The following CNTNAP5 variants were observed in gnomAD, a reference collection of about 807,000 sequenced individuals.
CNTNAP5 encodes the protein contactin-associated protein-like 5.
CNTNAP5 carries 72 observed loss-of-function variants against 150.2 expected under a neutral mutation model. That is an observed-to-expected ratio of 0.48 (90% CI 0.40 to 0.58). The LOEUF is 0.58. Ranked by LOEUF, CNTNAP5 falls within the 20% of genes least tolerant of loss-of-function variation. CNTNAP5 has a pLI of 0.00. For synonymous variants in CNTNAP5, 672 were observed against 619.8 expected (o/e 1.08, Z -1.25); for missense variants, 1,636 against 1,626.2 (o/e 1.01, Z -0.10).
At chr2:124,454,395 T>C (rs1693065029) in intron 6 of CNTNAP5, among the ~76,000 whole-genome samples, 1 of 152,130 alleles carries the variant, frequency 6.6e-6, no homozygotes, top group Non-Finnish European at 1.5e-5. Context: ...GCTCCCAAAT[T>C]TGTAAAACAA....
intron 13 of CNTNAP5, among the ~76,000 whole-genome samples, chr2:124,723,786 A>T (rs1255979733): frequency 1.3e-5 from 2 of 152,090 alleles, no homozygotes; most frequent in African/African-American, 4.8e-5. Context: ...TCTTACAAGG[A>T]CACGAGCCAA....
intron 19 of CNTNAP5, among the ~76,000 whole-genome samples, chr2:124,855,166 G>GTTTTTGTTTTT (rs1558801475): frequency 1.3e-5 from 1 of 77,498 alleles, no homozygotes; most frequent in African/African-American, 4.5e-5. Context: ...TTGGGCTTTT[G>GTTTTTGTTTTT]CTTTTTTTTT....
At chr2:124,547,928 T>C (rs376775737) in intron 10 of CNTNAP5, among the ~76,000 whole-genome samples, 10 of 152,320 alleles carry the variant, frequency 6.6e-5, no homozygotes, top group Admixed American at 4.6e-4. Context: ...TGTCTCTTCC[T>C]GCTGTTTAGA....
chr2:124,810,919 C>T (rs192246892), intron 19 of CNTNAP5, among the ~76,000 whole-genome samples: 113 of 152,028 alleles, frequency 7.4e-4, no homozygotes, highest in African/African-American at 2.5e-3. Context: ...GATAGCCCCC[C>T]GATGAAGAAT....
At chr2:124,126,769 A>G (rs1683714120) in intron 1 of CNTNAP5, among the ~76,000 whole-genome samples, 1 of 152,228 alleles carries the variant, frequency 6.6e-6, no homozygotes, top group South Asian at 2.1e-4. Flanking sequence ...ACAAATCAAT[A>G]AATGTAATCC....
At chr2:124,831,355 T>C (rs1682712923) in intron 19 of CNTNAP5, among the ~76,000 whole-genome samples, 1 of 151,862 alleles carries the variant, frequency 6.6e-6, no homozygotes, top group Non-Finnish European at 1.5e-5. Flanking sequence ...TTACCAAGAA[T>C]ACATCATCAT....
chr2:124,510,794 T>G (rs562747167), intron 8 of CNTNAP5, among the ~76,000 whole-genome samples: 31 of 152,232 alleles, frequency 2.0e-4, no homozygotes, highest in African/African-American at 7.2e-4. Flanking sequence ...AAAGATCTGA[T>G]CCATGTGGAA....
At chr2:124,601,936 G>C (rs1378051490) in intron 11 of CNTNAP5, among the ~76,000 whole-genome samples, 4 of 152,194 alleles carry the variant, frequency 2.6e-5, no homozygotes, top group African/African-American at 7.2e-5. Flanking sequence ...AGGGTGAGGA[G>C]ATGCTTTGGG....
At chr2:124,621,694 G>A (rs552060698) in intron 12 of CNTNAP5, among the ~76,000 whole-genome samples, 28 of 152,290 alleles carry the variant, frequency 1.8e-4, no homozygotes, top group East Asian at 5.8e-4. Context: ...AAGTTAGAGC[G>A]ATGTCAGTGA....
At chr2:124,065,585 A>G (rs1217489663) in intron 1 of CNTNAP5, among the ~76,000 whole-genome samples, 3 of 152,172 alleles carry the variant, frequency 2.0e-5, no homozygotes. Flanking sequence ...ATAATTCGTT[A>G]AACAGTTGTA....
Position 124,102,502 on chromosome 2 carries a change from C to T in CNTNAP5, c.82+76770C>T, listed in dbSNP as rs574406443. ...TCACTTCAGGCAAGTCACTCAATCT[C>T]TTTGGAGCTCAGTTTATGCTTCTGC... is the stretch of plus-strand genomic sequence containing the variant. On this transcript the variant is annotated intron_variant, in intron 1 of 23. Coordinates refer to ENST00000682447, the MANE Select transcript of CNTNAP5 (RefSeq NM_001367498.1). Among the ~76,000 whole-genome samples the T allele has an allele frequency of 5.4e-4, 83 of 152,312 alleles. 1 individual carries two copies. Among genetic ancestry groups the T allele is most frequent in the Non-Finnish European group, 1.0e-3 (71 of 68,028 alleles).
intron 7 of CNTNAP5, among the ~76,000 whole-genome samples, chr2:124,492,137 T>C (rs1197375945): frequency 6.6e-6 from 1 of 152,174 alleles, no homozygotes; most frequent in Non-Finnish European, 1.5e-5. Context: ...CCCACATGTC[T>C]ATTTTTGCTT....
At chr2:124,912,304 C>T (rs919221745) in intron 23 of CNTNAP5, among the ~76,000 whole-genome samples, 2 of 152,070 alleles carry the variant, frequency 1.3e-5, no homozygotes, top group African/African-American at 4.8e-5. Context: ...TGAACTGATC[C>T]TTGGCAGATG....
chr2:124,806,342 G>A (rs561304285), intron 19 of CNTNAP5, among the ~76,000 whole-genome samples: 179 of 152,262 alleles, frequency 1.2e-3, no homozygotes, highest in African/African-American at 4.2e-3. Context: ...AAAGGGGGTA[G>A]CTCTTCCTGG....
chr2:124,600,779 A>C (rs914628382), intron 11 of CNTNAP5, among the ~76,000 whole-genome samples: 1 of 136,562 alleles, frequency 7.3e-6, no homozygotes, highest in Non-Finnish European at 1.6e-5. Flanking sequence ...AAGAGAGAGA[A>C]AGAGAGAAGC....
intron 1 of CNTNAP5, among the ~76,000 whole-genome samples, chr2:124,127,217 G>A (rs1683728410): frequency 6.6e-6 from 1 of 152,058 alleles, no homozygotes; most frequent in African/African-American, 2.4e-5. Flanking sequence ...AAAGTCTCAG[G>A]ATACAAAATC....
intron 1 of CNTNAP5, among the ~76,000 whole-genome samples, chr2:124,120,413 G>T (rs1411803192): frequency 6.6e-6 from 1 of 152,192 alleles, no homozygotes; most frequent in Non-Finnish European, 1.5e-5. Flanking sequence ...GAAGAAAAAA[G>T]CCAGGTCTGG....
At chr2:124,493,961 TA>T (rs77826342) in intron 7 of CNTNAP5, among the ~76,000 whole-genome samples, 26,054 of 101,634 alleles carry the variant, frequency 0.26, 2,499 homozygotes, top group East Asian at 0.39. Context: ...AAGAAAACCA[TA>T]AATACACACA....
rs72978568 is a variant in CNTNAP5 at position 124,712,499 on chromosome 2, T to C, written c.2078-34730T>C. 4.0e-3 allele frequency among the ~76,000 whole-genome samples: 615 copies of C among 152,340 alleles called. 4 individuals are homozygous for C. The highest frequency in any genetic ancestry group is 0.014 in the African/African-American group (592 of 41,594). On this transcript the variant is annotated intron_variant, in intron 13 of 23. Coordinates refer to ENST00000682447, the MANE Select transcript of CNTNAP5 (RefSeq NM_001367498.1). Reference sequence around the variant, plus strand: ...CTACCTAACATGGGTTTTATTAGCATGACAGAAGTATGTGGAGAAGGAGCT... The same window carrying C: ...CTACCTAACATGGGTTTTATTAGCACGACAGAAGTATGTGGAGAAGGAGCT...
Sources: gnomAD v4.1 joint callset for allele counts (sites outside exome capture counted in the v4.1 genomes callset) on GRCh38, gnomAD v4.1.1 for gene constraint, MANE v1.5 for transcripts, NCBI Gene and HGNC (gene_info 2026-07-23, HGNC 2026-07-21) for gene names.